The following SLC16A7 variants were observed in gnomAD, a reference collection of about 807,000 sequenced individuals.
The protein encoded by SLC16A7 is monocarboxylate transporter 2.
A neutral mutation model predicts 34.9 loss-of-function variants in SLC16A7; 33 were observed. The ratio of observed to expected loss-of-function variants is 0.94; its 90% CI spans 0.72 to 1.26. The LOEUF (loss-of-function observed/expected upper bound fraction) is 1.26. Ranked by LOEUF, SLC16A7 falls within the 50% of genes most tolerant of loss-of-function variation. The probability of loss-of-function intolerance (pLI) is 0.00; values close to 1 mark genes in which losing one functional copy is unlikely to be tolerated. For synonymous variants in SLC16A7, 201 were observed against 206.6 expected, an observed-to-expected ratio of 0.97 and a Z score of 0.23; for missense variants, 573 against 578.1, an observed-to-expected ratio of 0.99 and a Z score of 0.09.
intron 1 of SLC16A7, among the ~76,000 whole-genome samples, chr12:59,621,015 T>G (rs1879675202): frequency 6.6e-6 from 1 of 151,916 alleles, no homozygotes; most frequent in Admixed American, 6.6e-5. Flanking sequence ...AACAGCCCAC[T>G]GGACAGTTGC....
intron 1 of SLC16A7, among the ~76,000 whole-genome samples, chr12:59,614,824 TAAAAAAAAA>T (rs71448588): frequency 8.4e-5 from 3 of 35,756 alleles, no homozygotes; most frequent in Non-Finnish European, 1.4e-4. Context: ...CCATTCCTAC[TAAAAAAAAA>T]AAAAAAAAAA....
chr12:59,597,450 A>G (rs551069111), intron 1 of SLC16A7, among the ~76,000 whole-genome samples: 11 of 152,132 alleles, frequency 7.2e-5, no homozygotes, highest in Non-Finnish European at 1.0e-4. Context: ...AAGAGTGACT[A>G]CTGGATGCCA....
At chr12:59,666,482 A>T (rs951691745) in intron 2 of SLC16A7, among the ~76,000 whole-genome samples, 1 of 152,110 alleles carries the variant, frequency 6.6e-6, no homozygotes, top group East Asian at 1.9e-4. Flanking sequence ...CTCAAATCTC[A>T]CTTGAATTGT....
chr12:59,736,153 C>T (rs571551910), intron 3 of SLC16A7, among the ~76,000 whole-genome samples: 2 of 152,168 alleles, frequency 1.3e-5, no homozygotes, highest in Non-Finnish European at 2.9e-5. Context: ...GGGACAGAAG[C>T]ATCATGGACA....
intron 1 of SLC16A7, among the ~76,000 whole-genome samples, chr12:59,614,208 T>C (rs1879333744): frequency 6.6e-6 from 1 of 152,048 alleles, no homozygotes; most frequent in Admixed American, 6.6e-5. Context: ...TATTAATTTT[T>C]GTATTTTTAG....
At chr12:59,678,347 G>A (rs1490250849) in intron 2 of SLC16A7, among the ~76,000 whole-genome samples, 2 of 152,192 alleles carry the variant, frequency 1.3e-5, no homozygotes, top group Non-Finnish European at 2.9e-5. Flanking sequence ...GCAAGGTGAA[G>A]AGGAGTTTTA....
chr12:59,680,318 A>G lies in SLC16A7; in HGVS notation c.-30-24454A>G, dbSNP rs78330286. ...GAAGATAGAGGACTTTTTCCAATGTAGTGTTTTCAAGATATTATTTAACCA... is the reference window on the plus strand; with the variant it reads ...GAAGATAGAGGACTTTTTCCAATGTGGTGTTTTCAAGATATTATTTAACCA... On this transcript the variant is annotated intron_variant, in intron 2 of 5. Transcript: ENST00000547379. Among the ~76,000 whole-genome samples the G allele has an allele frequency of 2.0e-3, 305 of 152,286 alleles. 1 individual carries two copies. The highest frequency in any genetic ancestry group is 6.9e-3 in the African/African-American group (286 of 41,564).
chr12:59,713,349 C>T (rs542368561), intron 3 of SLC16A7, among the ~76,000 whole-genome samples: 25 of 152,184 alleles, frequency 1.6e-4, no homozygotes, highest in African/African-American at 6.0e-4. Context: ...AGGACCTTTC[C>T]TACTCTTTCC....
At chr12:59,732,984 A>C (rs1028953267) in intron 3 of SLC16A7, among the ~76,000 whole-genome samples, 3 of 152,176 alleles carry the variant, frequency 2.0e-5, no homozygotes, top group African/African-American at 4.8e-5. Flanking sequence ...AACACACCCA[A>C]AAGGGCTCTT....
rs1883570524 is a variant in SLC16A7 at position 59,785,777 on chromosome 12, C to T, written c.*6098C>T. The T allele has an allele frequency of 6.6e-6, 1 of 152,048 alleles. No homozygotes were observed. Among genetic ancestry groups the T allele is most frequent in the African/African-American group, 2.4e-5 (1 of 41,396 alleles). The allele number at this position is 152,048 out of a possible 1,614,324, so 9.4% of individuals were successfully genotyped here. A position where few individuals can be genotyped will look rare whatever the true frequency, so the allele number is the denominator to read the frequency against. On this transcript the variant is annotated 3_prime_UTR_variant, in exon 6 of 6. Transcript: ENST00000547379. ...AGTAAATATTTTTCACATGATCAAA[C>T]AGGATTTTTTGTTTCTTTTTAATTT... is the stretch of plus-strand genomic sequence containing the variant.
intron 1 of SLC16A7, among the ~76,000 whole-genome samples, chr12:59,635,456 C>T (rs549606153): frequency 3.3e-5 from 5 of 152,026 alleles, no homozygotes; most frequent in African/African-American, 1.2e-4. Context: ...ATAAATGACA[C>T]AATCCAATGC....
At chr12:59,777,741 G>A (rs1264484197) in intron 5 of SLC16A7, among the ~76,000 whole-genome samples, 1 of 151,720 alleles carries the variant, frequency 6.6e-6, no homozygotes, top group African/African-American at 2.4e-5. Context: ...CCATGCTGGT[G>A]TGCTGTACCC....
intron 1 of SLC16A7, among the ~76,000 whole-genome samples, chr12:59,630,749 A>T (rs938522829): frequency 6.6e-6 from 1 of 151,958 alleles, no homozygotes; most frequent in African/African-American, 2.4e-5. Flanking sequence ...CTATTTCATA[A>T]TAAGTTTGTA....
At chr12:59,702,965 T>C (rs950035575) in intron 2 of SLC16A7, among the ~76,000 whole-genome samples, 1 of 151,984 alleles carries the variant, frequency 6.6e-6, no homozygotes, top group African/African-American at 2.4e-5. Context: ...ATTTAAAAAA[T>C]AGAAAAAATA....
Position 59,705,007 on chromosome 12 carries a change from T to C in SLC16A7, c.206T>C (p.Met69Thr), listed in dbSNP as rs752120285. The C allele has an allele frequency of 5.6e-6, 9 of 1,606,562 alleles. No homozygotes were observed. Among genetic ancestry groups the C allele is most frequent in the South Asian group, 2.2e-5 (2 of 90,924 alleles). The change falls in exon 3 of 6, where the codon ATG (methionine) becomes ACG (threonine). Residue 69 changes from methionine (M) to threonine (T), a missense_variant. Physicochemically the swap from Met to Thr is moderately conservative, Grantham distance 81 (BLOSUM62 -1). Transcript: ENST00000547379. ...AWISSIMLAV[M>T]YAGGPVSSVL... ...ATTTCATCCATTATGCTGGCTGTTA[T>C]GTACGCAGGAGGTAAGCTTCTTGCA...
At chr12:59,776,536 A>G (rs566650658) in intron 5 of SLC16A7, among the ~76,000 whole-genome samples, 13 of 152,342 alleles carry the variant, frequency 8.5e-5, no homozygotes, top group Admixed American at 6.5e-4. Context: ...TCTCATGGTC[A>G]GAGTCATTGC....
chr12:59,639,619 C>T (rs932190181), intron 1 of SLC16A7, among the ~76,000 whole-genome samples: 1 of 152,092 alleles, frequency 6.6e-6, no homozygotes, highest in Non-Finnish European at 1.5e-5. Context: ...CTCCTGGGCT[C>T]AAGAGATTCT....
chr12:59,770,946 A>G (rs1473774147), intron 3 of SLC16A7, among the ~76,000 whole-genome samples: 2 of 152,176 alleles, frequency 1.3e-5, no homozygotes, highest in African/African-American at 2.4e-5. Flanking sequence ...AAACTTTTCC[A>G]TCAAGATTTG....
intron 1 of SLC16A7, among the ~76,000 whole-genome samples, chr12:59,603,748 T>A (rs939123826): frequency 6.6e-6 from 1 of 152,254 alleles, no homozygotes; most frequent in East Asian, 1.9e-4. Flanking sequence ...ATTTATGTCA[T>A]CTTTAGCATT....
Sources: gnomAD v4.1 joint callset for allele counts (sites outside exome capture counted in the v4.1 genomes callset) on GRCh38, gnomAD v4.1.1 for gene constraint, MANE v1.5 for transcripts, NCBI Gene and HGNC (gene_info 2026-07-23, HGNC 2026-07-21) for gene names.